Variants in SORCS2 observed in about 807,000 individuals in gnomAD.
SORCS2 encodes sortilin related VPS10 domain containing receptor 2, also known as VPS10 domain-containing receptor SorCS2.
Under a neutral mutation model 141.6 loss-of-function variants are expected in SORCS2, and 100 were observed. The observed-to-expected ratio is 0.71, with a 90% CI of 0.60 to 0.83. The LOEUF (loss-of-function observed/expected upper bound fraction) is 0.83. Among genes scored for constraint, SORCS2 ranks in the 40% least tolerant of loss-of-function variants. SORCS2 has a pLI of 0.00. For synonymous variants in SORCS2, 789 were observed against 676.9 expected (o/e 1.17, Z -2.57); for missense variants, 1,646 against 1,560.2 (o/e 1.05, Z -0.93).
intron 2 of SORCS2, chr4:7,433,174 A>G: frequency 1.2e-6 from 1 of 845,258 alleles, no homozygotes; most frequent in Non-Finnish European, 1.6e-6. Flanking sequence ...GGGATCAGGA[A>G]TACTTGGTTT....
At chr4:7,636,556 G>A (rs992713168) in intron 3 of SORCS2, among the ~76,000 whole-genome samples, 3 of 151,986 alleles carry the variant, frequency 2.0e-5, no homozygotes, top group African/African-American at 7.3e-5. Context: ...ATGGCCCCGG[G>A]GCCACCTGTG....
At chr4:7,697,101 G>A in intron 11 of SORCS2, 97 bp from the exon 12 acceptor site, 1 of 1,038,700 alleles carries the variant, frequency 9.6e-7, no homozygotes. Flanking sequence ...CCGGGGCACT[G>A]GCCACCGTTG....
chr4:7,254,345 A>T (rs1237008394), intron 1 of SORCS2, among the ~76,000 whole-genome samples: 1 of 152,384 alleles, frequency 6.6e-6, no homozygotes, highest in Non-Finnish European at 1.5e-5. Flanking sequence ...GCCATAAAAA[A>T]GTATGAAAGC....
chr4:7,429,577 A>G (rs1375743468), intron 2 of SORCS2, among the ~76,000 whole-genome samples: 1 of 152,244 alleles, frequency 6.6e-6, no homozygotes. Context: ...CAGAGGTGTC[A>G]TGGAAGGACT....
At chr4:7,561,737 A>G (rs967668353) in intron 3 of SORCS2, among the ~76,000 whole-genome samples, 1 of 151,678 alleles carries the variant, frequency 6.6e-6, no homozygotes, top group Non-Finnish European at 1.5e-5. Context: ...CCATCCATCC[A>G]CCTACTCATC....
chr4:7,594,269 G>A (rs1338990762), intron 3 of SORCS2, among the ~76,000 whole-genome samples: 1 of 152,200 alleles, frequency 6.6e-6, no homozygotes, highest in Non-Finnish European at 1.5e-5. Flanking sequence ...CAGGTCCCGC[G>A]ATCATAAAAG....
At chr4:7,223,630 G>T (rs1332488810) in intron 1 of SORCS2, among the ~76,000 whole-genome samples, 3 of 152,150 alleles carry the variant, frequency 2.0e-5, no homozygotes, top group African/African-American at 7.2e-5. Flanking sequence ...TGCCCATACG[G>T]ATGTTCTCTA....
chr4:7,482,789 G>T (rs1730732345), intron 2 of SORCS2, among the ~76,000 whole-genome samples: 1 of 131,838 alleles, frequency 7.6e-6, no homozygotes, highest in African/African-American at 3.0e-5. Context: ...GGACACCCCT[G>T]GCTGCTGTTC....
intron 2 of SORCS2, among the ~76,000 whole-genome samples, chr4:7,407,407 A>G (rs13145868): frequency 0.13 from 20,452 of 152,092 alleles, 1,566 homozygotes; most frequent in Non-Finnish European, 0.18. Context: ...CTCATGGTGC[A>G]TTGACCCCTT....
At chr4:7,318,907 T>C (rs113611896) in intron 1 of SORCS2, among the ~76,000 whole-genome samples, 2,366 of 152,322 alleles carry the variant, frequency 0.016, 53 homozygotes, top group African/African-American at 0.054. Context: ...GCCATCTTAA[T>C]CTCTGACAAC....
At chr4:7,362,880 T>TCTAC (rs2109026703) in intron 1 of SORCS2, among the ~76,000 whole-genome samples, 1 of 148,476 alleles carries the variant, frequency 6.7e-6, no homozygotes, top group African/African-American at 2.5e-5. Flanking sequence ...ACCAACCACC[T>TCTAC]CTACCATCAT....
chr4:7,605,886 C>T (rs1455689326), intron 3 of SORCS2, among the ~76,000 whole-genome samples: 2 of 152,168 alleles, frequency 1.3e-5, no homozygotes, highest in African/African-American at 4.8e-5. Flanking sequence ...AGAGAACACC[C>T]TCCAAAGCCC....
intron 2 of SORCS2, among the ~76,000 whole-genome samples, chr4:7,513,909 G>A (rs987081245): frequency 1.3e-5 from 2 of 152,336 alleles, no homozygotes; most frequent in South Asian, 2.1e-4. Flanking sequence ...TTATGGTGCT[G>A]TGGCTGGAGG....
At chr4:7,523,314 T>G (rs551192900) in intron 2 of SORCS2, among the ~76,000 whole-genome samples, 3 of 152,286 alleles carry the variant, frequency 2.0e-5, no homozygotes. Flanking sequence ...TTCCCACATG[T>G]TCAGCGGGAA....
intron 1 of SORCS2, among the ~76,000 whole-genome samples, chr4:7,200,636 C>T (rs761529693): frequency 1.3e-5 from 2 of 152,208 alleles, no homozygotes; most frequent in Non-Finnish European, 2.9e-5. Flanking sequence ...CTCACCGCAG[C>T]CTCTTTCAAG....
chr4:7,697,058 C>T, intron 11 of SORCS2, 140 bp from the exon 12 acceptor site: 1 of 665,620 alleles, frequency 1.5e-6, no homozygotes, highest in Admixed American at 2.6e-5. Flanking sequence ...CCCAGCGCAG[C>T]AGCCACAGCA....
intron 3 of SORCS2, among the ~76,000 whole-genome samples, chr4:7,634,314 G>A (rs1455155093): frequency 4.0e-5 from 6 of 151,890 alleles, no homozygotes; most frequent in African/African-American, 9.7e-5. Flanking sequence ...CAGAGTTTGC[G>A]GTAAGACGAG....
At chr4:7,242,658 G>A (rs1051552574) in intron 1 of SORCS2, among the ~76,000 whole-genome samples, 8 of 152,052 alleles carry the variant, frequency 5.3e-5, no homozygotes, top group Non-Finnish European at 1.0e-4. Context: ...TCCCAAGCCC[G>A]CCCACACTTC....
At chr4:7,476,011 G>A (rs187993218) in intron 2 of SORCS2, among the ~76,000 whole-genome samples, 1 of 152,290 alleles carries the variant, frequency 6.6e-6, no homozygotes, top group Admixed American at 6.5e-5. Flanking sequence ...AGTGGGCACT[G>A]TGGGCCCAAG....
Sources: gnomAD v4.1 joint callset for allele counts (sites outside exome capture counted in the v4.1 genomes callset) on GRCh38, gnomAD v4.1.1 for gene constraint, MANE v1.5 for transcripts, NCBI Gene and HGNC (gene_info 2026-07-23, HGNC 2026-07-21) for gene names.